CUL2: variants seen among roughly 807,000 people sequenced by gnomAD.
CUL2 encodes the protein cullin 2.
CUL2 carries 22 observed loss-of-function variants against 110.2 expected under a neutral mutation model. That is an observed-to-expected ratio of 0.20 (90% CI 0.14 to 0.28). The LOEUF (loss-of-function observed/expected upper bound fraction) is 0.28, where lower values mean the gene tolerates loss of function less well. CUL2 is among the 10% of genes least tolerant of loss of function. CUL2 has a pLI of 1.00. For synonymous variants in CUL2, 279 were observed against 293.2 expected (o/e 0.95, Z 0.49); for missense variants, 631 against 905.5 (o/e 0.70, Z 3.89).
intron 1 of CUL2, among the ~76,000 whole-genome samples, chr10:35,123,454 T>C (rs992115279): frequency 2.0e-5 from 3 of 151,880 alleles, no homozygotes; most frequent in African/African-American, 7.3e-5. Flanking sequence ...GGATGAACTA[T>C]AATGGAAGTA....
chr10:35,012,348 A>G (rs2134612696), intron 19 of CUL2, among the ~76,000 whole-genome samples: 1 of 152,354 alleles, frequency 6.6e-6, no homozygotes, highest in Middle Eastern at 3.4e-3. Flanking sequence ...TAAAGAGGCA[A>G]TAAAGGAGGA....
At chr10:35,043,921 T>A (rs1395366113) in intron 8 of CUL2, among the ~76,000 whole-genome samples, 1 of 151,592 alleles carries the variant, frequency 6.6e-6, no homozygotes, top group Non-Finnish European at 1.5e-5. Context: ...TTTTAAAAGT[T>A]GCTGGGCGTG....
intron 9 of CUL2, among the ~76,000 whole-genome samples, chr10:35,036,125 T>C (rs1357360394): frequency 6.6e-6 from 1 of 152,194 alleles, no homozygotes; most frequent in Non-Finnish European, 1.5e-5. Context: ...TCACACACTC[T>C]TGCTCCTCTG....
At chr10:35,103,211 C>A (rs908122228) in intron 1 of CUL2, among the ~76,000 whole-genome samples, 2 of 150,992 alleles carry the variant, frequency 1.3e-5, no homozygotes, top group Admixed American at 6.6e-5. Flanking sequence ...GGTGTGATCA[C>A]AACTCACTGG....
intron 2 of CUL2, chr10:35,100,755 CAAAAAAAAAAAAAAAA>C (rs563272303): frequency 2.2e-5 from 1 of 44,464 alleles, no homozygotes; most frequent in Admixed American, 2.6e-4. Flanking sequence ...GAGTCCATCT[CAAAAAAAAAAAAAAAA>C]AAAAAAAAAG....
Position 35,029,518 on chromosome 10 carries a change from C to G in CUL2, c.1509G>C (p.Leu503Phe). 1 of 1,565,378 alleles carries G rather than the reference C, an allele frequency of 6.4e-7. No homozygotes were observed. Among genetic ancestry groups the G allele is most frequent in the African/African-American group, 1.4e-5 (1 of 71,896 alleles). The change falls in exon 15 of 21, where the codon TTG becomes TTC. Residue 503 changes from leucine (L) to phenylalanine (F), a missense_variant. Around this residue, in one of 3 missense-constraint regions of CUL2, gnomAD observed 134 missense variants for 260.4 expected, o/e 0.51. Coordinates refer to ENST00000374749, the MANE Select transcript of CUL2 (RefSeq NM_003591.4). ...FIKNQDTVID[L>F]GISFQIYVLQ... ...GAACATATATTTGAAAACTAATTCC[C>G]AAATCTATTACTGTGTCTTGGTTTT...
intron 2 of CUL2, chr10:35,063,841 G>C (rs1181737134): frequency 6.8e-6 from 1 of 147,866 alleles, no homozygotes; most frequent in Non-Finnish European, 1.5e-5. Flanking sequence ...AAGAACAAAA[G>C]ATAAGACTTA....
intron 1 of CUL2, among the ~76,000 whole-genome samples, chr10:35,103,323 T>TTTA (rs2087410527): frequency 8.9e-6 from 1 of 112,588 alleles, no homozygotes; most frequent in African/African-American, 4.2e-5. Context: ...TTTTTTTTTT[T>TTTA]TTTTTTTTTA....
chr10:35,046,152 TTC>T (rs1338228760), intron 6 of CUL2, among the ~76,000 whole-genome samples: 6 of 152,260 alleles, frequency 3.9e-5, no homozygotes, highest in Non-Finnish European at 8.8e-5. Context: ...GCTACAGTAA[TTC>T]TGTCAGTCAT....
intron 5 of CUL2, among the ~76,000 whole-genome samples, chr10:35,053,840 C>G (rs551047192): frequency 1.1e-4 from 17 of 152,290 alleles, no homozygotes; most frequent in Non-Finnish European, 2.2e-4. Flanking sequence ...AACTTACAAG[C>G]TTTTGTGTGC....
chr10:35,053,356 T>C (rs1267045048), intron 5 of CUL2, among the ~76,000 whole-genome samples: 1 of 152,216 alleles, frequency 6.6e-6, no homozygotes, highest in East Asian at 1.9e-4. Flanking sequence ...ACCTATAATT[T>C]TGTGTCCAAA....
At chr10:35,028,165 C>A (rs1476744687) in intron 16 of CUL2, among the ~76,000 whole-genome samples, 1 of 152,200 alleles carries the variant, frequency 6.6e-6, no homozygotes, top group Non-Finnish European at 1.5e-5. Flanking sequence ...CAATGAATGT[C>A]TGCACAAATG....
intron 1 of CUL2, among the ~76,000 whole-genome samples, chr10:35,084,051 C>A (rs1232984553): frequency 6.6e-6 from 1 of 151,992 alleles, no homozygotes; most frequent in Admixed American, 6.6e-5. Flanking sequence ...CCAAAGAGGG[C>A]GGATCTCTTG....
intron 8 of CUL2, among the ~76,000 whole-genome samples, chr10:35,040,299 T>TA (rs1200394450): frequency 6.6e-6 from 1 of 152,192 alleles, no homozygotes. Flanking sequence ...CAACAAGAAC[T>TA]AGCCCATAAG....
intron 8 of CUL2, among the ~76,000 whole-genome samples, chr10:35,039,299 A>G (rs2085715193): frequency 6.6e-6 from 1 of 152,250 alleles, no homozygotes; most frequent in Non-Finnish European, 1.5e-5. Flanking sequence ...TCTTATAAGC[A>G]AGAACTAAAG....
chr10:35,077,322 C>CAAACAAACAAAAA (rs1227584550), intron 1 of CUL2, among the ~76,000 whole-genome samples: 1 of 130,276 alleles, frequency 7.7e-6, no homozygotes, highest in Non-Finnish European at 1.7e-5. Context: ...CAAAAACAAA[C>CAAACAAACAAAAA]AAACAAACAA....
intron 1 of CUL2, among the ~76,000 whole-genome samples, chr10:35,113,587 A>T (rs2135133706): frequency 6.6e-6 from 1 of 151,816 alleles, no homozygotes; most frequent in African/African-American, 2.4e-5. Flanking sequence ...CATCTACGAA[A>T]AATTACCAAG....
rs769291191 is a variant in CUL2 at position 35,032,392 on chromosome 10, C to G, written c.1170+43G>C. On this transcript the variant is annotated intron_variant, in intron 12 of 20. Coordinates refer to ENST00000374749, the MANE Select transcript of CUL2 (RefSeq NM_003591.4). ...TATTCTGAGTTCTCATTTTCTAATA[C>G]TGACTTTTCATAAGATTACTTTTCA... 3.3e-6 allele frequency: 5 copies of G among 1,516,876 alleles called. No individual in the cohort carries two copies. The East Asian group carries it at 1.2e-4, about 36-fold the overall frequency. The allele number at this position is 1,516,876 out of a possible 1,614,324, so 94.0% of individuals were successfully genotyped here. A position where few individuals can be genotyped will look rare whatever the true frequency, so the allele number is the denominator to read the frequency against.
chr10:35,067,139 C>CAAA (rs71523356), intron 2 of CUL2, among the ~76,000 whole-genome samples: 5 of 76,818 alleles, frequency 6.5e-5, no homozygotes, highest in Admixed American at 4.4e-4. Flanking sequence ...AACTCCATCT[C>CAAA]AAAAAAAAAA....
Sources: allele counts gnomAD v4.1 joint callset (sites outside exome capture counted in the v4.1 genomes callset), GRCh38; gene constraint gnomAD v4.1.1; regional missense constraint gnomAD v4.1.1; transcripts MANE v1.5; gene names NCBI Gene and HGNC (gene_info 2026-07-23, HGNC 2026-07-21).